The following RGS8 variants were observed in gnomAD, a reference collection of about 807,000 sequenced individuals.
The protein encoded by RGS8 is regulator of G protein signaling 8, also known as regulator of G-protein signaling 8.
Under a neutral mutation model 21.7 loss-of-function variants are expected in RGS8, and 8 were observed. That is an observed-to-expected ratio of 0.37 (90% CI 0.22 to 0.66). RGS8 has a LOEUF of 0.66. Ranked by LOEUF, RGS8 falls within the 30% of genes least tolerant of loss-of-function variation. The pLI is 0.59. For synonymous variants in RGS8, 80 were observed against 83.6 expected (o/e 0.96, Z 0.24); for missense variants, 157 against 217.9 (o/e 0.72, Z 1.76).
the RGS8 span, among the ~76,000 whole-genome samples, chr1:182,706,612 G>A: frequency 7.9e-5 from 12 of 152,010 alleles, no homozygotes; most frequent in African/African-American, 2.2e-4. Flanking sequence ...GACTACAGGC[G>A]TGTGCCACCA....
Position 182,666,969 on chromosome 1 carries a change from TG to T in RGS8, c.30del (p.Asn10LysfsTer4). The T allele has an allele frequency of 1.2e-6, 2 of 1,613,184 alleles. No individual in the cohort carries two copies. The highest frequency in any genetic ancestry group is 1.7e-6 in the Non-Finnish European group (2 of 1,179,128). On this transcript the variant is annotated frameshift_variant, in exon 4 of 7. Transcript: ENST00000483095. LOFTEE classifies it high-confidence loss of function. ...CATCCCAGTCGAGTCCTCATCCCTT[TG>T]TTCCTGCAACAAGCACAGGGGCAGA...
At chr1:182,737,766 C>T in the RGS8 span, among the ~76,000 whole-genome samples, 1 of 152,024 alleles carries the variant, frequency 6.6e-6, no homozygotes, top group Non-Finnish European at 1.5e-5. Flanking sequence ...AGAATAGGCC[C>T]TCTTATCTTT....
chr1:182,689,188 G>A (rs1221557168), upstream of RGS8, among the ~76,000 whole-genome samples: 1 of 151,904 alleles, frequency 6.6e-6, no homozygotes, highest in East Asian at 1.9e-4. Context: ...TTGCCTTTTA[G>A]TGAAATGTAA....
chr1:182,695,355 C>T, the RGS8 span, among the ~76,000 whole-genome samples: 2 of 152,182 alleles, frequency 1.3e-5, no homozygotes, highest in African/African-American at 4.8e-5. Flanking sequence ...ACTCACATTT[C>T]GCAGAACACT....
chr1:182,681,520 C>T (rs992625114), intron 1 of RGS8, among the ~76,000 whole-genome samples: 3 of 152,208 alleles, frequency 2.0e-5, no homozygotes, highest in Non-Finnish European at 2.9e-5. Flanking sequence ...CCTAGAATCA[C>T]GCAGCAAGGA....
chr1:182,696,630 G>A, the RGS8 span, among the ~76,000 whole-genome samples: 4 of 152,318 alleles, frequency 2.6e-5, no homozygotes, highest in South Asian at 2.1e-4. Flanking sequence ...GATTATAGGC[G>A]TGAGCCACCG....
the RGS8 span, among the ~76,000 whole-genome samples, chr1:182,740,783 C>T: frequency 9.9e-5 from 15 of 151,490 alleles, no homozygotes; most frequent in Admixed American, 9.2e-4. Flanking sequence ...CTTCAAGCAT[C>T]TGTTTAACAA....
exon 1 of RGS8, chr1:182,671,859 T>C (rs681081): frequency 0.061 from 93,878 of 1,527,266 alleles, 5,341 homozygotes; most frequent in African/African-American, 0.28. Context: ...CTCCCACCAC[T>C]TGAGCCAGGC....
At chr1:182,663,694 C>T (rs1244797343) in intron 5 of RGS8, among the ~76,000 whole-genome samples, 1 of 151,890 alleles carries the variant, frequency 6.6e-6, no homozygotes, top group Non-Finnish European at 1.5e-5. Flanking sequence ...TCGCACTCCA[C>T]TAATTTTTTA....
At chr1:182,747,358 A>G in the RGS8 span, among the ~76,000 whole-genome samples, 15 of 152,188 alleles carry the variant, frequency 9.9e-5, no homozygotes, top group Admixed American at 5.2e-4. Flanking sequence ...GAAAAAGTAA[A>G]TTTCAGTGTG....
the RGS8 span, among the ~76,000 whole-genome samples, chr1:182,705,544 G>A: frequency 2.0e-5 from 3 of 151,330 alleles, 1 homozygote; most frequent in East Asian, 5.8e-4. Context: ...TTTTTTTATA[G>A]CTACTTTATC....
the RGS8 span, among the ~76,000 whole-genome samples, chr1:182,720,342 A>G: frequency 6.6e-6 from 1 of 152,216 alleles, no homozygotes; most frequent in Admixed American, 6.5e-5. Context: ...GTCATTTGAA[A>G]GTTATCTCGC....
chr1:182,711,025 C>T, the RGS8 span, among the ~76,000 whole-genome samples: 15 of 152,070 alleles, frequency 9.9e-5, no homozygotes, highest in African/African-American at 3.4e-4. Flanking sequence ...ACAAAGATGC[C>T]GGCAAAGGAC....
the RGS8 span, among the ~76,000 whole-genome samples, chr1:182,709,374 A>G: frequency 6.6e-6 from 1 of 152,198 alleles, no homozygotes; most frequent in Non-Finnish European, 1.5e-5. Context: ...TCTCACACAC[A>G]CACACACATC....
the RGS8 span, among the ~76,000 whole-genome samples, chr1:182,741,752 G>C: frequency 4.7e-5 from 5 of 107,478 alleles, no homozygotes; most frequent in African/African-American, 1.5e-4. Flanking sequence ...TGGGCGGGGG[G>C]CTGACCCCCC....
chr1:182,664,352 A>G (rs1254112898), intron 5 of RGS8, among the ~76,000 whole-genome samples: 1 of 152,206 alleles, frequency 6.6e-6, no homozygotes, highest in African/African-American at 2.4e-5. Flanking sequence ...GAGAAGCCGA[A>G]ATCAACGAAA....
chr1:182,670,656 A>G (rs1283152885), intron 2 of RGS8, among the ~76,000 whole-genome samples: 2 of 152,156 alleles, frequency 1.3e-5, no homozygotes, highest in African/African-American at 2.4e-5. Flanking sequence ...TGTGAGCTAC[A>G]CCATTTAAAT....
intron 5 of RGS8, among the ~76,000 whole-genome samples, chr1:182,650,146 G>T (rs1662935012): frequency 6.7e-6 from 1 of 150,264 alleles, no homozygotes; most frequent in Non-Finnish European, 1.5e-5. Context: ...TCTTGACCTT[G>T]TGATCCACCC....
At chr1:182,675,503 C>T (rs1245933150), upstream of RGS8, among the ~76,000 whole-genome samples, 1 of 152,184 alleles carries the variant, frequency 6.6e-6, no homozygotes, top group Non-Finnish European at 1.5e-5. Flanking sequence ...TAAAGTGGAT[C>T]ATCTGTGCAA....
Sources: allele counts gnomAD v4.1 joint callset (sites outside exome capture counted in the v4.1 genomes callset), GRCh38; gene constraint gnomAD v4.1.1; transcripts MANE v1.5; gene names NCBI Gene and HGNC (gene_info 2026-07-23, HGNC 2026-07-21).